CFAP410: variants seen among roughly 807,000 people sequenced by gnomAD.
CFAP410 encodes the protein cilia and flagella associated protein 410, also known as cilia- and flagella-associated protein 410.
CFAP410 carries 27 observed loss-of-function variants against 25.7 expected under a neutral mutation model. That is an observed-to-expected ratio of 1.05 (90% confidence interval 0.77 to 1.45). The LOEUF is 1.45. CFAP410 is among the 40% of genes most tolerant of loss of function. CFAP410 has a pLI of 0.00. For missense variants in CFAP410, 428 were observed against 354.1 expected, an observed-to-expected ratio of 1.21 and a Z score of -1.67; for synonymous variants, 178 against 158.4, an observed-to-expected ratio of 1.12 and a Z score of -0.93.
chr21:44,333,373 T>G, intron 3 of CFAP410, 111 bp from the exon 4 acceptor site: 1 of 815,210 alleles, frequency 1.2e-6, no homozygotes, highest in South Asian at 1.6e-5. Flanking sequence ...CCCTGCCCTC[T>G]CCTGAGAAGC....
intron 3 of CFAP410, 43 bp from the exon 4 acceptor site, chr21:44,333,305 C>T: frequency 6.7e-7 from 1 of 1,484,956 alleles, no homozygotes; most frequent in Non-Finnish European, 9.2e-7. Context: ...GTGGCCAGGG[C>T]CCCCAGGGCC....
chr21:44,329,252 C>G lies in CFAP410; in HGVS notation c.*946G>C, dbSNP rs2047594964. 6.6e-6 allele frequency: 1 copy of G among 152,286 alleles called. No individual in the cohort carries two copies. The highest frequency in any genetic ancestry group is 6.5e-5 in the Admixed American group (1 of 15,290). The allele number at this position is 152,286 out of a possible 1,614,324, so 9.4% of individuals were successfully genotyped here. ...GCGGCCTGCACACACGGTCACGCATCACCGCTCGGCGGAGGATGGGAATAT... is the reference window on the plus strand; with the variant it reads ...GCGGCCTGCACACACGGTCACGCATGACCGCTCGGCGGAGGATGGGAATAT... On this transcript the variant is annotated 3_prime_UTR_variant, in exon 7 of 7. Transcript: ENST00000339818.
At position 44,330,225 on chromosome 21, in the gene CFAP410, C is replaced by A; in HGVS notation, c.744G>T (p.Gly248=). 1 of 1,582,344 alleles carries A rather than the reference C, an allele frequency of 6.3e-7. No homozygotes were observed. Among genetic ancestry groups the A allele is most frequent in the East Asian group, 2.3e-5 (1 of 43,492 alleles). ...ACTCGGCGTGCTCCTGCACCTCTTC[C>A]CCACGCAGGGCCTGCAGCCGGCTGC... is the stretch of plus-strand genomic sequence containing the variant. ...TVGSRLQALR[G]EEVQEHAE Residue 248 remains glycine, a synonymous_variant, in exon 7 of 7, where the codon GGG becomes GGT. Transcript: ENST00000339818.
In CFAP410 at chr21:44,335,760, G is replaced by A. The variant is rs138100132; in HGVS notation, c.141C>T (p.Leu47=). 8.9e-5 allele frequency: 142 copies of A among 1,588,796 alleles called. No homozygotes were observed. The highest frequency in any genetic ancestry group is 1.2e-4 in the Non-Finnish European group (135 of 1,166,744). The part of the protein sequence containing the change: ...QEMPSLEVIT[L]SVNSISTLEP... ...GCATGACAGCAGGAGCGAGGTACCT[G>A]AGCGTGATCACCTCCAGGCTGGGCA... The change falls in exon 3 of 7, where the codon CTC becomes CTT. Residue 47 remains leucine, a splice_region_variant and synonymous_variant. Coordinates refer to ENST00000339818, the MANE Select transcript of CFAP410 (RefSeq NM_004928.3).
Position 44,329,721 on chromosome 21 carries a change from A to G in CFAP410, c.*477T>C, listed in dbSNP as rs546739223. ...TGAGCAGCTCAGGGCAGATGTCGCT[A>G]TGGGTGCCAGCATTCTCGAAGTCTC... On this transcript the variant is annotated 3_prime_UTR_variant, in exon 7 of 7. Transcript: ENST00000339818. The G allele has an allele frequency of 4.0e-4, 63 of 159,488 alleles. No individual in the cohort carries two copies. Among genetic ancestry groups the G allele is most frequent in the Non-Finnish European group, 6.9e-4 (50 of 72,658 alleles). 9.9% of individuals were successfully genotyped at this position (159,488 alleles called of 1,614,324 possible). A position where few individuals can be genotyped will look rare whatever the true frequency, so the allele number is the denominator to read the frequency against.
At chr21:44,337,747 C>CGAT (rs1351377450) in intron 1 of CFAP410, 80 bp from the exon 2 acceptor site, 1 of 1,176,442 alleles carries the variant, frequency 8.5e-7, no homozygotes, top group Non-Finnish European at 1.3e-6. Flanking sequence ...CAAAAATCAC[C>CGAT]GATGACTCCC....
chr21:44,333,462 A>G, intron 3 of CFAP410, 200 bp from the exon 4 acceptor site: 1 of 598,698 alleles, frequency 1.7e-6, no homozygotes, highest in Non-Finnish European at 3.0e-6. Context: ...CCCTGAACTC[A>G]AAGGCGGACT....
chr21:44,335,917 A>G (rs2047744321), intron 2 of CFAP410, 113 bp from the exon 3 acceptor site: 1 of 797,254 alleles, frequency 1.3e-6, no homozygotes, highest in Admixed American at 2.1e-5. Context: ...CCGGGGCCTG[A>G]GGGGCACGGC....
intron 1 of CFAP410, chr21:44,338,319 C>T (rs1043332223): frequency 3.1e-6 from 4 of 1,289,278 alleles, no homozygotes; most frequent in Admixed American, 4.6e-5. Context: ...CCAGTTGACA[C>T]GGCGCGGTCA....
rs375698855 is a variant in CFAP410 at position 44,335,751 on chromosome 21, G to C, written c.143+7C>G. On this transcript the variant is annotated splice_region_variant and intron_variant, in intron 3 of 6. Coordinates refer to ENST00000339818, the MANE Select transcript of CFAP410 (RefSeq NM_004928.3). Reference sequence around the variant, plus strand: ...CCAGGCTGAGCATGACAGCAGGAGCGAGGTACCTGAGCGTGATCACCTCCA... The same window carrying C: ...CCAGGCTGAGCATGACAGCAGGAGCCAGGTACCTGAGCGTGATCACCTCCA... The C allele has an allele frequency of 1.3e-6, 2 of 1,585,206 alleles. No homozygotes were observed. Among genetic ancestry groups the C allele is most frequent in the African/African-American group, 1.4e-5 (1 of 74,072 alleles).
rs199672243 is a variant in CFAP410, at chr21:44,334,517, ACCCC to A, written c.143+1237_143+1240del. The A allele has an allele frequency of 6.8e-3, 488 of 72,034 alleles. 1 individual carries two copies. Among genetic ancestry groups the A allele is most frequent in the Non-Finnish European group, 8.3e-3 (252 of 30,228 alleles). 4.5% of individuals were successfully genotyped at this position (72,034 alleles called of 1,614,324 possible). A position where few individuals can be genotyped will look rare whatever the true frequency, so the allele number is the denominator to read the frequency against. ...CCTCAACCTCTGGGCGGGCACGCGCACCCCCCCCCCCCCCCCGCTCAACCTCTGG... is the reference window on the plus strand; with the variant it reads ...CCTCAACCTCTGGGCGGGCACGCGCACCCCCCCCCCCCGCTCAACCTCTGG... On this transcript the variant is annotated intron_variant, in intron 3 of 6. Coordinates refer to ENST00000339818, the MANE Select transcript of CFAP410 (RefSeq NM_004928.3).
intron 3 of CFAP410, 142 bp downstream of exon 3, chr21:44,335,616 G>GC: frequency 1.5e-6 from 1 of 676,630 alleles, no homozygotes; most frequent in South Asian, 1.8e-5. Flanking sequence ...CGCTGTCCCG[G>GC]CCCCTCCCCT....
Position 44,335,800 on chromosome 21 carries a change from G to T in CFAP410, c.101C>A (p.Ser34Tyr). The T allele has an allele frequency of 6.3e-7, 1 of 1,588,586 alleles. No homozygotes were observed. The highest frequency in any genetic ancestry group is 2.3e-5 in the East Asian group (1 of 43,490). ...NCWGSRLTDI[S>Y]ICQEMPSLEV... is the part of the protein sequence containing the mutation. ...CAGGCTGGGCATCTCCTGGCAAATG[G>T]AGATCTAGGAGGAAAAGAACATGAC... The change falls in exon 3 of 7, where the codon TCC (serine) becomes TAC (tyrosine). Residue 34 changes from serine to tyrosine, a missense_variant. Transcript: ENST00000339818.
Position 44,335,973 on chromosome 21 carries a change from GAGCGGCCCTGCT to G in CFAP410, c.97-181_97-170del, listed in dbSNP as rs1289646556. ...AGGGTGAATGCCCAGGGCCTGAGGG[GAGCGGCCCTGCT>G]CAGCCAGTGTGCCCAGGGTGAATGC... On this transcript the variant is annotated intron_variant, in intron 2 of 6. Transcript: ENST00000339818. The G allele has an allele frequency of 1.5e-4, 88 of 577,970 alleles. 1 individual carries two copies. The African/African-American group carries it at 1.6e-3, about 10-fold the overall frequency. 35.8% of individuals were successfully genotyped at this position (577,970 alleles called of 1,614,324 possible).
chr21:44,331,976 C>T lies in CFAP410; in HGVS notation c.412G>A (p.Gly138Arg), dbSNP rs752031315. Reference sequence around the variant, plus strand: ...TCTGGGGCCGCAGTGATCTCCTCTCCCTCACTCAGTGCACGGGACAGCTCC... The same window carrying T: ...TCTGGGGCCGCAGTGATCTCCTCTCTCTCACTCAGTGCACGGGACAGCTCC... Reference protein sequence around the residue: ...EEELSRALSEGEEITAAPERE... With the variant: ...EEELSRALSEREEITAAPERE... Residue 138 changes from glycine to arginine, a missense_variant, in exon 5 of 7, where the codon GGA becomes AGA. Coordinates refer to ENST00000339818, the MANE Select transcript of CFAP410 (RefSeq NM_004928.3). The T allele has an allele frequency of 1.2e-6, 2 of 1,613,054 alleles. No homozygotes were observed. Among genetic ancestry groups the T allele is most frequent in the South Asian group, 1.1e-5 (1 of 90,934 alleles).
rs565142962 is a variant in CFAP410, at chr21:44,337,173, A to G, written c.96+476T>C. On this transcript the variant is annotated intron_variant, in intron 2 of 6. Coordinates refer to ENST00000339818, the MANE Select transcript of CFAP410 (RefSeq NM_004928.3). ...GACTGAGAAAGACAATGAGGGAGAG[A>G]AGAAAAAAATCTTTCACAGACGCAC... Among the ~76,000 whole-genome samples, 119 of 152,180 alleles carry G rather than the reference A, an allele frequency of 7.8e-4. 1 individual carries two copies. In the South Asian group the frequency reaches 0.012, roughly 15 times the overall value.
intron 5 of CFAP410, 185 bp from the exon 6 acceptor site, chr21:44,331,104 AGAGCCCGGCACTTACTTCACCT>A (rs763415193): frequency 7.8e-4 from 486 of 619,834 alleles, no homozygotes; most frequent in Non-Finnish European, 1.2e-3. Context: ...CAGCTCCTGG[AGAGCCCGGCACTTACTTCACCT>A]GTGGGGCGCC....
chr21:44,338,022 T>C (rs2070572), intron 1 of CFAP410, among the ~76,000 whole-genome samples: 107,752 of 152,138 alleles, frequency 0.71, 39,389 homozygotes, highest in African/African-American at 0.9. Flanking sequence ...TTATAAGAGG[T>C]CAAGTTCAAA....
intron 2 of CFAP410, chr21:44,336,910 C>T (rs543713331): frequency 6.6e-6 from 1 of 152,062 alleles, no homozygotes; most frequent in African/African-American, 2.4e-5. Context: ...CACAGTGAAA[C>T]TCCATCTCTA....
Sources: gnomAD v4.1 joint callset for allele counts (sites outside exome capture counted in the v4.1 genomes callset) on GRCh38, gnomAD v4.1.1 for gene constraint, MANE v1.5 for transcripts, NCBI Gene and HGNC (gene_info 2026-07-23, HGNC 2026-07-21) for gene names.